SPAG16: variants seen among roughly 807,000 people sequenced by gnomAD.
SPAG16 encodes sperm-associated antigen 16 protein.
SPAG16 carries 86 observed loss-of-function variants against 80.4 expected under a neutral mutation model. The ratio of observed to expected loss-of-function variants is 1.07; its 90% CI spans 0.90 to 1.28. The LOEUF (loss-of-function observed/expected upper bound fraction) is 1.28, where lower values mean the gene tolerates loss of function less well. Among genes scored for constraint, SPAG16 ranks in the 50% most tolerant of loss-of-function variants. SPAG16 has a pLI of 0.00. For missense variants in SPAG16, 870 were observed against 765.3 expected (o/e 1.14, Z -1.61); for synonymous variants, 294 against 265.9 (o/e 1.11, Z -1.03).
intron 14 of SPAG16, among the ~76,000 whole-genome samples, chr2:214,121,270 G>A (rs903193341): frequency 1.3e-5 from 2 of 151,780 alleles, no homozygotes; most frequent in African/African-American, 2.4e-5. Flanking sequence ...TTTCATTATA[G>A]CATTGTATCA....
intron 11 of SPAG16, among the ~76,000 whole-genome samples, chr2:213,900,637 A>G (rs969534854): frequency 1.3e-5 from 2 of 152,086 alleles, no homozygotes; most frequent in East Asian, 1.9e-4. Context: ...TTATTTGACT[A>G]TTGCTTATCT....
At chr2:214,207,448 A>T (rs2058174279) in intron 15 of SPAG16, among the ~76,000 whole-genome samples, 1 of 152,120 alleles carries the variant, frequency 6.6e-6, no homozygotes, top group African/African-American at 2.4e-5. Flanking sequence ...CCAAAGTTTC[A>T]GTTTTTGCTC....
chr2:214,404,035 T>C (rs1297782002), intron 15 of SPAG16, among the ~76,000 whole-genome samples: 1 of 152,180 alleles, frequency 6.6e-6, no homozygotes, highest in Non-Finnish European at 1.5e-5. Flanking sequence ...AGGAAAAATA[T>C]TCCACTATAG....
chr2:213,837,335 C>T (rs1415895610), intron 10 of SPAG16, among the ~76,000 whole-genome samples: 1 of 152,188 alleles, frequency 6.6e-6, no homozygotes, highest in Non-Finnish European at 1.5e-5. Flanking sequence ...TGTCCCAACA[C>T]ATGTTAAAAG....
intron 10 of SPAG16, among the ~76,000 whole-genome samples, chr2:213,578,914 A>G (rs1218664534): frequency 2.0e-5 from 3 of 152,042 alleles, no homozygotes; most frequent in Non-Finnish European, 4.4e-5. Flanking sequence ...AGGAAAAATT[A>G]TAACAGTTTC....
At chr2:214,388,858 G>A (rs1175765459) in intron 15 of SPAG16, among the ~76,000 whole-genome samples, 1 of 152,066 alleles carries the variant, frequency 6.6e-6, no homozygotes, top group African/African-American at 2.4e-5. Flanking sequence ...TACAAAATTA[G>A]CCACTTTCTT....
intron 15 of SPAG16, among the ~76,000 whole-genome samples, chr2:214,277,425 A>T (rs1352458528): frequency 6.6e-6 from 1 of 152,072 alleles, no homozygotes; most frequent in East Asian, 1.9e-4. Context: ...TTGTGGTTTT[A>T]TCTACCTTTG....
intron 10 of SPAG16, among the ~76,000 whole-genome samples, chr2:213,685,333 G>A (rs1380366783): frequency 6.6e-6 from 1 of 152,190 alleles, no homozygotes; most frequent in Non-Finnish European, 1.5e-5. Context: ...GCATGGACAT[G>A]CAGAGGAAAG....
At chr2:214,344,703 T>TC (rs754954623) in intron 15 of SPAG16, among the ~76,000 whole-genome samples, 2 of 152,172 alleles carry the variant, frequency 1.3e-5, no homozygotes, top group Non-Finnish European at 2.9e-5. Flanking sequence ...TATTCTCTGC[T>TC]CCTGCAGCTG....
rs1048897178 is a variant in SPAG16 at position 213,819,157 on chromosome 2, T to C, written c.1071-43328T>C. On this transcript the variant is annotated intron_variant, in intron 10 of 15. Coordinates refer to ENST00000331683, the MANE Select transcript of SPAG16 (RefSeq NM_024532.5). ...AAATGTGTAGAGATATTGAATAACA[T>C]TGTTATTTTATTCCCATGATTCCTT... Among the ~76,000 whole-genome samples, 8 of 152,194 alleles carry C rather than the reference T, an allele frequency of 5.3e-5. No individual in the cohort carries two copies. The South Asian group carries it at 1.7e-3, about 31-fold the overall frequency.
chr2:213,978,720 G>A (rs1017156034), intron 12 of SPAG16, among the ~76,000 whole-genome samples: 17 of 152,098 alleles, frequency 1.1e-4, no homozygotes, highest in Admixed American at 8.5e-4. Flanking sequence ...GATGCTATAG[G>A]CACATTGTTT....
At chr2:213,349,959 A>G (rs1229626621) in intron 6 of SPAG16, among the ~76,000 whole-genome samples, 1 of 152,220 alleles carries the variant, frequency 6.6e-6, no homozygotes, top group Non-Finnish European at 1.5e-5. Flanking sequence ...CATGTAAATT[A>G]CACTTCAATA....
chr2:214,071,442 T>G (rs1190412018), intron 13 of SPAG16, among the ~76,000 whole-genome samples: 1 of 151,950 alleles, frequency 6.6e-6, no homozygotes, highest in Non-Finnish European at 1.5e-5. Flanking sequence ...GTATAAGGCA[T>G]GTAGAGGATA....
chr2:213,575,307 A>G (rs2126022413), intron 10 of SPAG16, among the ~76,000 whole-genome samples: 1 of 152,280 alleles, frequency 6.6e-6, no homozygotes, highest in East Asian at 1.9e-4. Context: ...AACCCACAGC[A>G]ATACTTTATC....
intron 5 of SPAG16, among the ~76,000 whole-genome samples, chr2:213,333,679 A>AGAAC (rs1197358611): frequency 6.6e-6 from 1 of 152,200 alleles, no homozygotes; most frequent in Non-Finnish European, 1.5e-5. Flanking sequence ...AACAGAATAG[A>AGAAC]GAACCAGAAA....
chr2:214,252,299 A>G (rs1450859938), intron 15 of SPAG16, among the ~76,000 whole-genome samples: 2 of 151,408 alleles, frequency 1.3e-5, no homozygotes, highest in Non-Finnish European at 1.5e-5. Context: ...TTTTATTTTA[A>G]TTTTTTATTA....
chr2:213,608,884 C>T (rs532069160), intron 10 of SPAG16, among the ~76,000 whole-genome samples: 1 of 152,182 alleles, frequency 6.6e-6, no homozygotes, highest in Non-Finnish European at 1.5e-5. Context: ...CGGGTTTCAC[C>T]GTGTTAGCCG....
chr2:214,338,042 A>T (rs929228272), intron 15 of SPAG16, among the ~76,000 whole-genome samples: 2 of 152,190 alleles, frequency 1.3e-5, no homozygotes, highest in Non-Finnish European at 2.9e-5. Context: ...GAAGTTGAAG[A>T]TATTATCCAC....
chr2:214,285,851 C>T (rs549349566), intron 15 of SPAG16, among the ~76,000 whole-genome samples: 1 of 152,164 alleles, frequency 6.6e-6, no homozygotes, highest in Admixed American at 6.5e-5. Context: ...TGCTAAAAAG[C>T]AGACGCTTTT....
Sources: allele counts gnomAD v4.1 joint callset (sites outside exome capture counted in the v4.1 genomes callset), GRCh38; gene constraint gnomAD v4.1.1; transcripts MANE v1.5; gene names NCBI Gene and HGNC (gene_info 2026-07-23, HGNC 2026-07-21).